Variants in BSDC1 observed in about 807,000 individuals in gnomAD.
BSDC1 encodes BSD domain-containing protein 1.
BSDC1 carries 29 observed loss-of-function variants against 56.0 expected under a neutral mutation model. The ratio of observed to expected loss-of-function variants is 0.52; its 90% CI spans 0.39 to 0.71. BSDC1 has a LOEUF of 0.71. BSDC1 is among the 30% of genes least tolerant of loss of function. BSDC1 has a pLI of 0.00. For synonymous variants in BSDC1, 210 were observed against 215.3 expected, an observed-to-expected ratio of 0.98 and a Z score of 0.21; for missense variants, 477 against 548.5, an observed-to-expected ratio of 0.87 and a Z score of 1.30.
At chr1:32,390,274 G>A (rs183763360) in intron 2 of BSDC1, among the ~76,000 whole-genome samples, 1 of 152,214 alleles carries the variant, frequency 6.6e-6, no homozygotes, top group Non-Finnish European at 1.5e-5. Flanking sequence ...AGGAAGACCA[G>A]TCAGGAGGCT....
intron 2 of BSDC1, among the ~76,000 whole-genome samples, chr1:32,389,846 G>A (rs1385100096): frequency 1.3e-5 from 2 of 151,398 alleles, no homozygotes; most frequent in Admixed American, 6.6e-5. Flanking sequence ...GGTGGTACAC[G>A]CCTATAGTCC....
Position 32,378,576 on chromosome 1 carries a change from T to G in BSDC1, c.528+148A>C. On this transcript the variant is annotated intron_variant, in intron 6 of 10. Transcript: ENST00000455895. This position sits in a 1 kb window ranked among gnomAD's most constrained non-coding sequence, Gnocchi z 5.2. The stretch of plus-strand genomic sequence containing the variant: ...AAACCAGCTTCTCCCATGTGGGGTC[T>G]TGGCTCAGGACACAGCTGGTCTGGC... 1 of 666,516 alleles carries G rather than the reference T, an allele frequency of 1.5e-6. No individual in the cohort carries two copies. Among genetic ancestry groups the G allele is most frequent in the Non-Finnish European group, 2.6e-6 (1 of 390,476 alleles). 41.3% of individuals were successfully genotyped at this position (666,516 alleles called of 1,614,324 possible). A position where few individuals can be genotyped will look rare whatever the true frequency, so the allele number is the denominator to read the frequency against.
intron 9 of BSDC1, among the ~76,000 whole-genome samples, chr1:32,372,048 G>A (rs1261010294): frequency 1.3e-5 from 2 of 152,202 alleles, no homozygotes; most frequent in East Asian, 1.9e-4. Context: ...TGTGTGTTCT[G>A]TGTAGACCTG....
At chr1:32,387,340 ATT>A (rs1054474865) in intron 2 of BSDC1, among the ~76,000 whole-genome samples, 7 of 144,948 alleles carry the variant, frequency 4.8e-5, no homozygotes, top group African/African-American at 7.6e-5. Context: ...AAGGTATGTG[ATT>A]TTTTTTTTTT....
intron 5 of BSDC1, 96 bp downstream of exon 5, chr1:32,381,118 G>T: frequency 1.7e-6 from 2 of 1,190,848 alleles, no homozygotes; most frequent in Non-Finnish European, 1.2e-6. Context: ...CATAGGGGGT[G>T]CCCGGCCTCT....
In BSDC1 at chr1:32,378,972, G is replaced by A. The variant is rs1473847548; in HGVS notation, c.413-133C>T. ...ATTCAAAGCCACTTAGCCAAGGGTA[G>A]GGGGTCAGGCAGGGTGAAGGGGCGG... On this transcript the variant is annotated intron_variant, in intron 5 of 10. Transcript: ENST00000455895. This position sits in a 1 kb window ranked among gnomAD's most constrained non-coding sequence, Gnocchi z 5.2. 2 of 557,790 alleles carry A rather than the reference G, an allele frequency of 3.6e-6. No homozygotes were observed. Among genetic ancestry groups the A allele is most frequent in the Admixed American group, 4.1e-5 (1 of 24,230 alleles). 34.6% of individuals were successfully genotyped at this position (557,790 alleles called of 1,614,324 possible).
chr1:32,375,399 A>G (rs1300156012), intron 9 of BSDC1, among the ~76,000 whole-genome samples: 6 of 134,020 alleles, frequency 4.5e-5, no homozygotes, highest in Non-Finnish European at 6.3e-5. Flanking sequence ...AGACAGGAGG[A>G]TGTGTGTGTG....
In BSDC1 at chr1:32,368,003, G is replaced by A. The variant is rs914753525; in HGVS notation, c.1260+444C>T. On this transcript the variant is annotated intron_variant, in intron 10 of 10. Transcript: ENST00000455895. ...TGAGGACCACAACTCAGAAGGTCAG[G>A]CAGGGTTTGATGTCTGTTTTCTTTT... 4 of 1,132,648 alleles carry A rather than the reference G, an allele frequency of 3.5e-6. No homozygotes were observed. In the African/African-American group the frequency reaches 6.5e-5, roughly 18 times the overall value. The allele number at this position is 1,132,648 out of a possible 1,614,324, so 70.2% of individuals were successfully genotyped here. A position where few individuals can be genotyped will look rare whatever the true frequency, so the allele number is the denominator to read the frequency against.
rs72668526 is a variant in BSDC1 at position 32,367,491 on chromosome 1, G to C, written c.1261-837C>G. 4.4e-3 allele frequency: 4,385 copies of C among 985,430 alleles called. 11 individuals carry two copies. Among genetic ancestry groups the C allele is most frequent in the Non-Finnish European group, 5.0e-3 (4,114 of 829,926 alleles). 61.0% of individuals were successfully genotyped at this position (985,430 alleles called of 1,614,324 possible). On this transcript the variant is annotated intron_variant, in intron 10 of 10. Transcript: ENST00000455895. ...TCATGAAAAAGGAGGCCCTTCACAT[G>C]TCTCTCTAATCTGTCCACCTCTTTC...
chr1:32,368,101 G>T, intron 10 of BSDC1: 1 of 1,339,480 alleles, frequency 7.5e-7, no homozygotes, highest in South Asian at 1.8e-5. Context: ...TGAACTCCTC[G>T]CCTCAAGCAA....
chr1:32,393,861 C>T lies in BSDC1; in HGVS notation c.72+219G>A, dbSNP rs559785427. 9 of 533,712 alleles carry T rather than the reference C, an allele frequency of 1.7e-5. No homozygotes were observed. In the South Asian group the frequency reaches 2.6e-4, roughly 15 times the overall value. The allele number at this position is 533,712 out of a possible 1,614,324, so 33.1% of individuals were successfully genotyped here. A position where few individuals can be genotyped will look rare whatever the true frequency, so the allele number is the denominator to read the frequency against. ...ATTCCTACAAAACGTTCGTTAACTC[C>T]AGCCTTTAAAACCATCTTTATTTCA... On this transcript the variant is annotated intron_variant, in intron 2 of 10. Coordinates refer to ENST00000455895, the MANE Select transcript of BSDC1 (RefSeq NM_018045.8).
intron 4 of BSDC1, 77 bp from the exon 5 acceptor site, chr1:32,381,345 C>A: frequency 7.2e-7 from 1 of 1,382,618 alleles, no homozygotes. Context: ...TGCCAGGATA[C>A]TCAGTCAACC....
intron 5 of BSDC1, among the ~76,000 whole-genome samples, chr1:32,379,090 T>A (rs1161590923): frequency 6.6e-6 from 1 of 152,020 alleles, no homozygotes; most frequent in Admixed American, 6.6e-5. Flanking sequence ...GGCTGCTGAA[T>A]CTCCTCATCT....
At chr1:32,375,114 T>C (rs1642230977) in intron 9 of BSDC1, among the ~76,000 whole-genome samples, 4 of 151,782 alleles carry the variant, frequency 2.6e-5, no homozygotes, top group Admixed American at 2.6e-4. Context: ...ATCGCGCCAC[T>C]GCACTCCAGC....
chr1:32,368,363 A>C (rs754573779), intron 10 of BSDC1, 84 bp downstream of exon 10: 4 of 1,614,044 alleles, frequency 2.5e-6, no homozygotes, highest in Non-Finnish European at 3.4e-6. Context: ...GACCCTCCTG[A>C]GGGGACAGCT....
At position 32,376,777 on chromosome 1, in the gene BSDC1, G is replaced by A. The variant is rs369766486; in HGVS notation, c.677-36C>T. On this transcript the variant is annotated intron_variant, in intron 8 of 10. Transcript: ENST00000455895. ...AGAAAGGGAGGGGCAAGAGGGAAATGTAACCTGGCCAGCCATAAGACAACC... is the reference window on the plus strand; with the variant it reads ...AGAAAGGGAGGGGCAAGAGGGAAATATAACCTGGCCAGCCATAAGACAACC... 43 of 1,335,096 alleles carry A rather than the reference G, an allele frequency of 3.2e-5. No homozygotes were observed. The African/African-American group carries it at 6.0e-4, about 19-fold the overall frequency. 82.7% of individuals were successfully genotyped at this position (1,335,096 alleles called of 1,614,324 possible).
In BSDC1 at chr1:32,378,805, C is replaced by A. The variant is rs1392634918; in HGVS notation, c.447G>T (p.Gln149His). ...CCCCCTTCTTCTCCTCCAAGCAGAA[C>A]TGGGAAAGCCAGGCGTCAAACAATT... Reference protein sequence around the residue: ...PPELFDAWLSQFCLEEKKGEI... With the variant: ...PPELFDAWLSHFCLEEKKGEI... The change falls in exon 6 of 11, where the codon CAG becomes CAT. Residue 149 changes from glutamine to histidine, a missense_variant. Coordinates refer to ENST00000455895, the MANE Select transcript of BSDC1 (RefSeq NM_018045.8). This position sits in a 1 kb window ranked among gnomAD's most constrained non-coding sequence, Gnocchi z 5.2. The A allele has an allele frequency of 6.5e-7, 1 of 1,544,234 alleles. No homozygotes were observed. Among genetic ancestry groups the A allele is most frequent in the Non-Finnish European group, 8.7e-7 (1 of 1,144,004 alleles).
At chr1:32,389,213 C>T (rs1431772912) in intron 2 of BSDC1, among the ~76,000 whole-genome samples, 1 of 152,154 alleles carries the variant, frequency 6.6e-6, no homozygotes, top group Non-Finnish European at 1.5e-5. Context: ...CTTGGCCTCC[C>T]AATTTATCTC....
chr1:32,378,381 A>G lies in BSDC1; in HGVS notation c.529-98T>C, dbSNP rs1378299208. On this transcript the variant is annotated intron_variant, in intron 6 of 10. Transcript: ENST00000455895. This position sits in a 1 kb window ranked among gnomAD's most constrained non-coding sequence, Gnocchi z 5.2. The stretch of plus-strand genomic sequence containing the variant: ...TCTATTCCCAGCCAGTCTGGATTTC[A>G]GACCCAGTAAGTGGCTTAGCAGTGA... The G allele has an allele frequency of 1.1e-5, 13 of 1,214,950 alleles. No homozygotes were observed. The East Asian group carries it at 2.7e-4, about 25-fold the overall frequency. The allele number at this position is 1,214,950 out of a possible 1,614,324, so 75.3% of individuals were successfully genotyped here.
Sources: allele counts gnomAD v4.1 joint callset (sites outside exome capture counted in the v4.1 genomes callset), GRCh38; gene constraint gnomAD v4.1.1; non-coding constraint Gnocchi (gnomAD v3.1); transcripts MANE v1.5; gene names NCBI Gene and HGNC (gene_info 2026-07-23, HGNC 2026-07-21).